The following CNTN3 variants were observed in gnomAD, a reference collection of about 807,000 sequenced individuals.
CNTN3 encodes contactin 3.
In CNTN3, 60 loss-of-function variants were observed where a neutral mutation model predicts 119.1. That is an observed-to-expected ratio of 0.50 (90% CI 0.41 to 0.62). The LOEUF (loss-of-function observed/expected upper bound fraction) is 0.62, where lower values mean the gene tolerates loss of function less well. Ranked by LOEUF, CNTN3 falls within the 20% of genes least tolerant of loss-of-function variation. The pLI is 0.00. For synonymous variants in CNTN3, 450 were observed against 438.7 expected, an observed-to-expected ratio of 1.03 and a Z score of -0.32; for missense variants, 1,101 against 1,242.4, an observed-to-expected ratio of 0.89 and a Z score of 1.71.
intron 1 of CNTN3, among the ~76,000 whole-genome samples, chr3:74,586,832 T>A (rs572380324): frequency 2.0e-5 from 3 of 152,010 alleles, no homozygotes; most frequent in Admixed American, 1.3e-4. Context: ...ACCCAGAACA[T>A]ACCAAAAAAA....
chr3:74,459,660 C>T (rs111684024), intron 4 of CNTN3, among the ~76,000 whole-genome samples: 1,532 of 152,026 alleles, frequency 0.01, 22 homozygotes, highest in African/African-American at 0.035. Context: ...AACTCTTTTC[C>T]TCTACCTTTT....
chr3:74,500,119 T>C (rs1703140454), intron 2 of CNTN3, among the ~76,000 whole-genome samples: 1 of 152,054 alleles, frequency 6.6e-6, no homozygotes. Flanking sequence ...TGTCATAGCC[T>C]TTTTGCCAAA....
chr3:74,375,210 T>C (rs983346369), intron 5 of CNTN3, among the ~76,000 whole-genome samples: 1 of 151,948 alleles, frequency 6.6e-6, no homozygotes, highest in Non-Finnish European at 1.5e-5. Context: ...AAAGAAAAAC[T>C]AACTCTAAGG....
chr3:74,304,764 A>G (rs188470178), intron 13 of CNTN3, among the ~76,000 whole-genome samples: 55 of 152,294 alleles, frequency 3.6e-4, no homozygotes, highest in South Asian at 8.3e-4. Flanking sequence ...ATAATTTTTA[A>G]TTATCCTTTT....
intron 4 of CNTN3, among the ~76,000 whole-genome samples, chr3:74,425,310 C>T (rs1701678951): frequency 6.6e-6 from 1 of 152,158 alleles, no homozygotes; most frequent in African/African-American, 2.4e-5. Context: ...TAACATTTAT[C>T]TTCTGCTTAT....
At chr3:74,339,962 G>T (rs991316587) in intron 11 of CNTN3, among the ~76,000 whole-genome samples, 3 of 152,034 alleles carry the variant, frequency 2.0e-5, no homozygotes, top group African/African-American at 7.3e-5. Flanking sequence ...CATATCTGCG[G>T]TTTCTGCATC....
chr3:74,557,835 A>T (rs1201581961), intron 1 of CNTN3, among the ~76,000 whole-genome samples: 2 of 152,112 alleles, frequency 1.3e-5, no homozygotes, highest in South Asian at 2.1e-4. Context: ...CTGCAGAGAT[A>T]GAGTATTTTG....
chr3:74,456,692 G>A (rs998959241), intron 4 of CNTN3, among the ~76,000 whole-genome samples: 2 of 152,040 alleles, frequency 1.3e-5, no homozygotes, highest in Admixed American at 1.3e-4. Flanking sequence ...TCTTTAAATA[G>A]GAAGCCAATG....
rs187817925 is a variant in CNTN3 at position 74,361,749 on chromosome 3, A to T, written c.1364+141T>A. On this transcript the variant is annotated intron_variant, in intron 11 of 22. Coordinates refer to ENST00000263665, the MANE Select transcript of CNTN3 (RefSeq NM_020872.3). ...CTCTTACAAAGGTATTAAAGAACAAAAATACTACTATTTTAGTTCTTAAAG... is the reference window on the plus strand; with the variant it reads ...CTCTTACAAAGGTATTAAAGAACAATAATACTACTATTTTAGTTCTTAAAG... 1.1e-3 allele frequency: 952 copies of T among 838,054 alleles called. 6 individuals are homozygous for T. The African/African-American group carries it at 0.012, about 11-fold the overall frequency. The allele number at this position is 838,054 out of a possible 1,614,324, so 51.9% of individuals were successfully genotyped here. A position where few individuals can be genotyped will look rare whatever the true frequency, so the allele number is the denominator to read the frequency against.
intron 1 of CNTN3, among the ~76,000 whole-genome samples, chr3:74,549,936 A>G (rs940703348): frequency 5.9e-5 from 9 of 152,316 alleles, no homozygotes; most frequent in African/African-American, 2.2e-4. Flanking sequence ...ATACCATTTG[A>G]AAAACAGCTC....
intron 5 of CNTN3, among the ~76,000 whole-genome samples, chr3:74,385,652 C>T (rs903581316): frequency 2.0e-5 from 3 of 152,120 alleles, no homozygotes; most frequent in Non-Finnish European, 4.4e-5. Flanking sequence ...GAGGGTTGCA[C>T]GAGACAGCTC....
At chr3:74,590,136 A>T (rs1179004954) in intron 1 of CNTN3, among the ~76,000 whole-genome samples, 3 of 151,892 alleles carry the variant, frequency 2.0e-5, no homozygotes, top group Admixed American at 6.6e-5. Flanking sequence ...TAATAATAAA[A>T]AATAAATAAA....
At chr3:74,364,427 G>A (rs1468288568) in intron 10 of CNTN3, 40 bp downstream of exon 10, 4 of 1,585,350 alleles carry the variant, frequency 2.5e-6, no homozygotes, top group South Asian at 1.1e-5. Flanking sequence ...AAGGATTTAA[G>A]ACAAAAAATT....
At chr3:74,499,420 T>C (rs1559634065) in intron 3 of CNTN3, among the ~76,000 whole-genome samples, 1 of 151,966 alleles carries the variant, frequency 6.6e-6, no homozygotes, top group Non-Finnish European at 1.5e-5. Flanking sequence ...GCACTATACA[T>C]CAATGAAAAG....
At chr3:74,478,666 A>T (rs995472645) in intron 4 of CNTN3, among the ~76,000 whole-genome samples, 1 of 152,102 alleles carries the variant, frequency 6.6e-6, no homozygotes, top group East Asian at 1.9e-4. Context: ...TCCTGAAGAC[A>T]AACTCTGCTC....
chr3:74,340,732 TG>T (rs1218530554), intron 11 of CNTN3, among the ~76,000 whole-genome samples: 1 of 152,102 alleles, frequency 6.6e-6, no homozygotes, highest in African/African-American at 2.4e-5. Context: ...AGAGATAGAA[TG>T]GGAAGCTTCA....
At chr3:74,525,249 T>C (rs1291680635) in intron 1 of CNTN3, among the ~76,000 whole-genome samples, 1 of 152,052 alleles carries the variant, frequency 6.6e-6, no homozygotes, top group South Asian at 2.1e-4. Flanking sequence ...AGAAAAGATA[T>C]GTTAATATCA....
intron 1 of CNTN3, among the ~76,000 whole-genome samples, chr3:74,613,760 C>T (rs112698904): frequency 1.7e-4 from 26 of 152,286 alleles, no homozygotes; most frequent in African/African-American, 6.3e-4. Context: ...GCTTGGTTAG[C>T]TTTGCAGGCT....
At chr3:74,425,040 T>C in intron 4 of CNTN3, 100 bp from the exon 5 acceptor site, 1 of 811,122 alleles carries the variant, frequency 1.2e-6, no homozygotes, top group Non-Finnish European at 1.9e-6. Flanking sequence ...ATTTTAGTTT[T>C]TGCTTTTTTC....
Sources: allele counts gnomAD v4.1 joint callset (sites outside exome capture counted in the v4.1 genomes callset), GRCh38; gene constraint gnomAD v4.1.1; transcripts MANE v1.5; gene names NCBI Gene and HGNC (gene_info 2026-07-23, HGNC 2026-07-21).